The following PDZRN4 variants were observed in gnomAD, a reference collection of about 807,000 sequenced individuals.
PDZRN4 encodes PDZ domain-containing RING finger protein 4.
A neutral mutation model predicts 99.0 loss-of-function variants in PDZRN4; 70 were observed. The ratio of observed to expected loss-of-function variants is 0.71; its 90% CI spans 0.58 to 0.86. The LOEUF is 0.86. Among genes scored for constraint, PDZRN4 ranks in the 40% least tolerant of loss-of-function variants. PDZRN4 has a pLI of 0.00. For synonymous variants in PDZRN4, 551 were observed against 501.6 expected (o/e 1.10, Z -1.32); for missense variants, 1,474 against 1,331.2 (o/e 1.11, Z -1.67).
intron 3 of PDZRN4, among the ~76,000 whole-genome samples, chr12:41,208,879 G>GA (rs934274591): frequency 1.3e-5 from 2 of 150,866 alleles, no homozygotes; most frequent in Admixed American, 6.6e-5. Context: ...ATTGTTAGGG[G>GA]AAAAAAAAGA....
intron 3 of PDZRN4, among the ~76,000 whole-genome samples, chr12:41,209,164 A>T (rs1368303166): frequency 6.6e-6 from 1 of 151,900 alleles, no homozygotes; most frequent in Non-Finnish European, 1.5e-5. Context: ...TAACTTCATG[A>T]ATCACGGGAA....
chr12:41,496,507 C>A (rs1938007318), intron 3 of PDZRN4, among the ~76,000 whole-genome samples: 1 of 152,076 alleles, frequency 6.6e-6, no homozygotes, highest in African/African-American at 2.4e-5. Context: ...TGTTTAGGCC[C>A]AGTTCTGAGT....
At chr12:41,359,973 G>T (rs980334542) in intron 3 of PDZRN4, among the ~76,000 whole-genome samples, 1 of 151,862 alleles carries the variant, frequency 6.6e-6, no homozygotes, top group Non-Finnish European at 1.5e-5. Flanking sequence ...TCCATCGGGG[G>T]ATAATCAACA....
rs999619714 is a variant in PDZRN4, at chr12:41,553,678, A to G, written c.1302+924A>G. On this transcript the variant is annotated intron_variant, in intron 6 of 9. Coordinates refer to ENST00000402685, the MANE Select transcript of PDZRN4 (RefSeq NM_001164595.2). The stretch of plus-strand genomic sequence containing the variant: ...CACTGCACTCCAGTGCAGTGACACA[A>G]TGAGTGACAGAATGAGACCCTGTCT... Among the ~76,000 whole-genome samples the G allele has an allele frequency of 6.6e-5, 10 of 152,144 alleles. 1 individual carries two copies. Among genetic ancestry groups the G allele is most frequent in the Admixed American group, 4.6e-4 (7 of 15,268 alleles).
chr12:41,517,852 A>G (rs868009955), intron 5 of PDZRN4, among the ~76,000 whole-genome samples: 1 of 152,080 alleles, frequency 6.6e-6, no homozygotes, highest in Non-Finnish European at 1.5e-5. Context: ...GTCTATGTGT[A>G]GTAACCATAT....
rs909937864 is a variant in PDZRN4, at chr12:41,574,028, T to A, written c.*138T>A. On this transcript the variant is annotated 3_prime_UTR_variant, in exon 10 of 10. Transcript: ENST00000402685. The stretch of plus-strand genomic sequence containing the variant: ...GTTTAAATTTTTTGTAAGCAAAAAA[T>A]ACCTGGTAATTTTTCATTTGTTTTT... 6.1e-6 allele frequency: 3 copies of A among 495,180 alleles called. No homozygotes were observed. The highest frequency in any genetic ancestry group is 5.8e-5 in the African/African-American group (3 of 51,536). 30.7% of individuals were successfully genotyped at this position (495,180 alleles called of 1,614,324 possible).
intron 3 of PDZRN4, among the ~76,000 whole-genome samples, chr12:41,317,148 A>G (rs978126689): frequency 1.3e-5 from 2 of 148,646 alleles, no homozygotes; most frequent in African/African-American, 4.9e-5. Flanking sequence ...TCTCATATAT[A>G]TATTTAGAGA....
At chr12:41,396,542 A>T (rs1952247364) in intron 3 of PDZRN4, among the ~76,000 whole-genome samples, 1 of 152,190 alleles carries the variant, frequency 6.6e-6, no homozygotes, top group African/African-American at 2.4e-5. Flanking sequence ...CTCACAATTT[A>T]TGTGAGTCAA....
At chr12:41,273,450 G>A (rs192495833) in intron 3 of PDZRN4, among the ~76,000 whole-genome samples, 129 of 152,174 alleles carry the variant, frequency 8.5e-4, no homozygotes, top group Non-Finnish European at 1.6e-3. Flanking sequence ...AAGAAACAGT[G>A]AATTCAGGAC....
chr12:41,486,263 G>C (rs1259290440), intron 3 of PDZRN4, among the ~76,000 whole-genome samples: 1 of 152,068 alleles, frequency 6.6e-6, no homozygotes, highest in Non-Finnish European at 1.5e-5. Flanking sequence ...TCCAATGTTT[G>C]AGATACTTTT....
At chr12:41,317,141 C>T (rs1951644686) in intron 3 of PDZRN4, among the ~76,000 whole-genome samples, 1 of 145,614 alleles carries the variant, frequency 6.9e-6, no homozygotes, top group Non-Finnish European at 1.5e-5. Context: ...GCATAATTCT[C>T]ATATATATAT....
At chr12:41,224,288 G>A (rs1422629934) in intron 3 of PDZRN4, among the ~76,000 whole-genome samples, 1 of 152,192 alleles carries the variant, frequency 6.6e-6, no homozygotes, top group Non-Finnish European at 1.5e-5. Context: ...GAGAGATTAT[G>A]TTACTTGCCC....
chr12:41,207,643 G>A (rs1480499329), intron 3 of PDZRN4, among the ~76,000 whole-genome samples: 1 of 151,706 alleles, frequency 6.6e-6, no homozygotes, highest in Non-Finnish European at 1.5e-5. Flanking sequence ...GGATGATGAT[G>A]GCTATAAAAT....
intron 3 of PDZRN4, among the ~76,000 whole-genome samples, chr12:41,222,409 G>C (rs778940836): frequency 6.6e-6 from 1 of 152,118 alleles, no homozygotes. Flanking sequence ...GGTTGCTGCT[G>C]TACTCGGTCA....
intron 3 of PDZRN4, among the ~76,000 whole-genome samples, chr12:41,484,016 A>G (rs1937727435): frequency 6.6e-6 from 1 of 152,168 alleles, no homozygotes; most frequent in Non-Finnish European, 1.5e-5. Context: ...TCAAATACCT[A>G]AATAGATGAA....
intron 5 of PDZRN4, among the ~76,000 whole-genome samples, chr12:41,540,485 A>G (rs970628703): frequency 1.3e-5 from 2 of 152,184 alleles, no homozygotes; most frequent in Non-Finnish European, 2.9e-5. Flanking sequence ...AATGTTTTCT[A>G]TGTAAAACCT....
intron 3 of PDZRN4, among the ~76,000 whole-genome samples, chr12:41,211,658 T>G (rs1157887385): frequency 6.6e-6 from 1 of 151,986 alleles, no homozygotes; most frequent in African/African-American, 2.4e-5. Context: ...AGATACACTC[T>G]GCCGATTTGA....
intron 3 of PDZRN4, among the ~76,000 whole-genome samples, chr12:41,305,914 G>T (rs1469715358): frequency 6.6e-6 from 1 of 152,132 alleles, no homozygotes; most frequent in African/African-American, 2.4e-5. Flanking sequence ...TATGGTTGAG[G>T]CTCAAGGTAC....
intron 3 of PDZRN4, among the ~76,000 whole-genome samples, chr12:41,339,157 T>A (rs1951797733): frequency 1.3e-5 from 2 of 149,062 alleles, no homozygotes; most frequent in Non-Finnish European, 3.0e-5. Context: ...AGGAATCACA[T>A]TACCTGACTT....
Sources: gnomAD v4.1 joint callset for allele counts (sites outside exome capture counted in the v4.1 genomes callset) on GRCh38, gnomAD v4.1.1 for gene constraint, MANE v1.5 for transcripts, NCBI Gene and HGNC (gene_info 2026-07-23, HGNC 2026-07-21) for gene names.